The following TGFBI variants were observed in gnomAD, a reference collection of about 807,000 sequenced individuals.
TGFBI encodes the protein transforming growth factor-beta-induced protein ig-h3.
TGFBI carries 50 observed loss-of-function variants against 73.7 expected under a neutral mutation model. The ratio of observed to expected loss-of-function variants is 0.68; its 90% CI spans 0.54 to 0.86. TGFBI has a LOEUF of 0.86. TGFBI is among the 40% of genes least tolerant of loss of function. The probability of loss-of-function intolerance (pLI) is 0.00; values close to 1 mark genes in which losing one functional copy is unlikely to be tolerated. For missense variants in TGFBI, 839 were observed against 877.0 expected (o/e 0.96, Z 0.55); for synonymous variants, 362 against 360.5 (o/e 1.00, Z -0.05).
intron 2 of TGFBI, among the ~76,000 whole-genome samples, chr5:136,036,630 A>T (rs776613030): frequency 2.0e-5 from 3 of 152,128 alleles, no homozygotes; most frequent in Non-Finnish European, 4.4e-5. Flanking sequence ...ATTCAGTGCC[A>T]TGGGTGGTCA....
Position 136,051,585 on chromosome 5 carries a change from C to T in TGFBI, c.914-1322C>T, listed in dbSNP as rs536466025. On this transcript the variant is annotated intron_variant, in intron 7 of 16. Transcript: ENST00000442011. ...GCAAGGACACTCTGTTTGGTGCCAT[C>T]GCTGCAGACTGGAAGGAAGAGGTCC... Among the ~76,000 whole-genome samples the T allele has an allele frequency of 6.6e-5, 10 of 152,348 alleles. No individual in the cohort carries two copies. The South Asian group carries it at 1.9e-3, about 28-fold the overall frequency.
intron 2 of TGFBI, among the ~76,000 whole-genome samples, chr5:136,037,721 T>C (rs941056865): frequency 5.3e-5 from 8 of 152,222 alleles, no homozygotes; most frequent in African/African-American, 2.4e-5. Flanking sequence ...GTTTCTCTAG[T>C]AGCAAGTGTT....
chr5:136,029,737 G>A (rs1474786813), intron 1 of TGFBI, among the ~76,000 whole-genome samples: 1 of 152,184 alleles, frequency 6.6e-6, no homozygotes, highest in Non-Finnish European at 1.5e-5. Context: ...GGTACAGCAA[G>A]GGCAATGTGG....
intron 6 of TGFBI, 49 bp downstream of exon 6, chr5:136,047,469 C>A (rs1054626201): frequency 6.2e-7 from 1 of 1,607,906 alleles, no homozygotes; most frequent in African/African-American, 1.3e-5. Flanking sequence ...ACATTGCCTC[C>A]CAAGAGGGGC....
At chr5:136,062,832 T>C in intron 16 of TGFBI, 145 bp downstream of exon 16, 1 of 873,618 alleles carries the variant, frequency 1.1e-6, no homozygotes. Context: ...AACAGCAGGG[T>C]GACTTGGGGT....
Position 136,036,708 on chromosome 5 carries a change from G to A in TGFBI, c.233+2847G>A, listed in dbSNP as rs376546574. The stretch of plus-strand genomic sequence containing the variant: ...TCCTGGGGAAAGTAGGTCCCTAGAT[G>A]CCTTTAGTTGAGTGAGGAGCAGACT... On this transcript the variant is annotated intron_variant, in intron 2 of 16. Transcript: ENST00000442011. Among the ~76,000 whole-genome samples the A allele has an allele frequency of 2.6e-4, 39 of 152,284 alleles. No homozygotes were observed. The South Asian group carries it at 7.7e-3, about 30-fold the overall frequency.
intron 2 of TGFBI, among the ~76,000 whole-genome samples, chr5:136,036,074 G>A (rs149726701): frequency 6.6e-6 from 1 of 152,366 alleles, no homozygotes; most frequent in East Asian, 1.9e-4. Context: ...ACAAGCAACA[G>A]AGCTGTGTGT....
chr5:136,032,653 T>G (rs1199992031), intron 1 of TGFBI, among the ~76,000 whole-genome samples: 1 of 152,188 alleles, frequency 6.6e-6, no homozygotes, highest in African/African-American at 2.4e-5. Context: ...CCCTCAGTAT[T>G]GTTTGTTTTA....
intron 13 of TGFBI, among the ~76,000 whole-genome samples, chr5:136,059,554 CCCCAAA>C (rs1028634101): frequency 1.3e-5 from 2 of 152,172 alleles, no homozygotes; most frequent in Non-Finnish European, 2.9e-5. Context: ...CCATCCCACC[CCCCAAA>C]CCCAGGGCTT....
chr5:136,034,600 G>A (rs182699146), intron 2 of TGFBI, among the ~76,000 whole-genome samples: 12 of 151,772 alleles, frequency 7.9e-5, no homozygotes, highest in Non-Finnish European at 1.5e-4. Context: ...GAGTGCCAAC[G>A]GGGTGTGGAC....
At chr5:136,036,758 T>G (rs1239432156) in intron 2 of TGFBI, among the ~76,000 whole-genome samples, 1 of 152,082 alleles carries the variant, frequency 6.6e-6, no homozygotes, top group East Asian at 1.9e-4. Flanking sequence ...CAGTAGTGGT[T>G]GGGGCAAAAA....
At chr5:136,051,200 C>A (rs113207077) in intron 7 of TGFBI, among the ~76,000 whole-genome samples, 1 of 152,120 alleles carries the variant, frequency 6.6e-6, no homozygotes, top group African/African-American at 2.4e-5. Context: ...GAAGCCAAGG[C>A]GGGCAGATCA....
intron 14 of TGFBI, chr5:136,061,281 T>C: frequency 1.7e-6 from 1 of 594,538 alleles, no homozygotes; most frequent in Non-Finnish European, 3.0e-6. Context: ...TCCAGTGCAG[T>C]TGAACCTCAG....
chr5:136,040,458 C>T (rs930421547), intron 2 of TGFBI, among the ~76,000 whole-genome samples: 7 of 152,144 alleles, frequency 4.6e-5, no homozygotes, highest in East Asian at 1.9e-4. Context: ...GTGAACTGTG[C>T]GTGTAAGGGA....
intron 2 of TGFBI, among the ~76,000 whole-genome samples, chr5:136,037,618 C>T (rs879407687): frequency 1.6e-4 from 24 of 152,134 alleles, no homozygotes; most frequent in Non-Finnish European, 3.4e-4. Context: ...GGCAGCTATT[C>T]ATTCCAAAAG....
rs1175059884 is a variant in TGFBI at position 136,029,139 on chromosome 5, G to A, written c.84G>A (p.Ser28=). 3.9e-6 allele frequency: 6 copies of A among 1,524,566 alleles called. No individual in the cohort carries two copies. Among genetic ancestry groups the A allele is most frequent in the East Asian group, 2.5e-5 (1 of 39,672 alleles). 94.4% of individuals were successfully genotyped at this position (1,524,566 alleles called of 1,614,324 possible). A position where few individuals can be genotyped will look rare whatever the true frequency, so the allele number is the denominator to read the frequency against. Residue 28 remains serine, a synonymous_variant, in exon 1 of 17, where the codon TCG becomes TCA. Transcript: ENST00000442011. The part of the protein sequence containing the change: ...PAATLAGPAK[S]PYQLVLQHSR... ...CGACCCTGGCGGGTCCCGCCAAGTCGCCCTACCAGCTGGTGCTGCAGCACA... is the reference window on the plus strand; with the variant it reads ...CGACCCTGGCGGGTCCCGCCAAGTCACCCTACCAGCTGGTGCTGCAGCACA...
At chr5:136,041,575 G>A (rs1346337781) in intron 2 of TGFBI, among the ~76,000 whole-genome samples, 1 of 152,190 alleles carries the variant, frequency 6.6e-6, no homozygotes, top group African/African-American at 2.4e-5. Context: ...TGCAGCAAGA[G>A]TCCTAGGTCT....
chr5:136,050,125 G>C (rs1751508590), intron 7 of TGFBI, among the ~76,000 whole-genome samples: 1 of 152,154 alleles, frequency 6.6e-6, no homozygotes, highest in African/African-American at 2.4e-5. Context: ...CTGAGATCTG[G>C]AATTTGAGAC....
chr5:136,047,142 G>A, intron 5 of TGFBI, 127 bp downstream of exon 5: 2 of 1,520,190 alleles, frequency 1.3e-6, no homozygotes, highest in Non-Finnish European at 1.8e-6. Context: ...GCTTCTCCTT[G>A]GGCCCTCTAT....
Sources: allele counts gnomAD v4.1 joint callset (sites outside exome capture counted in the v4.1 genomes callset), GRCh38; gene constraint gnomAD v4.1.1; transcripts MANE v1.5; gene names NCBI Gene and HGNC (gene_info 2026-07-23, HGNC 2026-07-21).